The following NEGR1 variants were observed in gnomAD, a reference collection of about 807,000 sequenced individuals.
NEGR1 encodes neuronal growth regulator 1, also known as IgLON family member 4.
A neutral mutation model predicts 40.9 loss-of-function variants in NEGR1; 10 were observed. That is an observed-to-expected ratio of 0.24 (90% CI 0.15 to 0.42). The LOEUF (loss-of-function observed/expected upper bound fraction) is 0.42, where lower values mean the gene tolerates loss of function less well. Ranked by LOEUF, NEGR1 falls within the 10% of genes least tolerant of loss-of-function variation. NEGR1 has a pLI of 1.00. For missense variants in NEGR1, 352 were observed against 438.9 expected, an observed-to-expected ratio of 0.80 and a Z score of 1.77; for synonymous variants, 185 against 166.8, an observed-to-expected ratio of 1.11 and a Z score of -0.84.
chr1:71,734,975 TA>T (rs1462460692), intron 3 of NEGR1, among the ~76,000 whole-genome samples: 1 of 152,130 alleles, frequency 6.6e-6, no homozygotes, highest in East Asian at 1.9e-4. Flanking sequence ...TCTGCATCTT[TA>T]AGTTCAATCA....
chr1:72,048,590 G>A (rs1394207870), intron 1 of NEGR1, among the ~76,000 whole-genome samples: 2 of 151,546 alleles, frequency 1.3e-5, no homozygotes, highest in African/African-American at 2.4e-5. Flanking sequence ...GGTGAGGTGA[G>A]TGGGTGGGGA....
At chr1:71,861,228 T>C (rs1047000857) in intron 2 of NEGR1, among the ~76,000 whole-genome samples, 2 of 152,022 alleles carry the variant, frequency 1.3e-5, no homozygotes, top group African/African-American at 2.4e-5. Flanking sequence ...AAATGACTCA[T>C]ATAAAATGAT....
chr1:71,695,204 G>A (rs12079778), intron 4 of NEGR1, among the ~76,000 whole-genome samples: 4 of 151,724 alleles, frequency 2.6e-5, no homozygotes, highest in South Asian at 2.1e-4. Context: ...TGAGATATCA[G>A]TTATATATGT....
chr1:71,547,075 A>G (rs1647923795), intron 6 of NEGR1, among the ~76,000 whole-genome samples: 1 of 151,728 alleles, frequency 6.6e-6, no homozygotes, highest in African/African-American at 2.4e-5. Context: ...TCTAACACTT[A>G]TGACCTTATT....
At chr1:71,844,697 T>C (rs1212308142) in intron 2 of NEGR1, among the ~76,000 whole-genome samples, 1 of 152,182 alleles carries the variant, frequency 6.6e-6, no homozygotes, top group Non-Finnish European at 1.5e-5. Context: ...TCAGGCTTGA[T>C]AAGAAATTAG....
chr1:71,992,176 A>C (rs985655811), intron 1 of NEGR1, among the ~76,000 whole-genome samples: 1 of 152,190 alleles, frequency 6.6e-6, no homozygotes, highest in South Asian at 2.1e-4. Context: ...GAACAGCTTT[A>C]ATATTATGAG....
intron 4 of NEGR1, among the ~76,000 whole-genome samples, chr1:71,639,247 T>G (rs556393416): frequency 2.3e-4 from 35 of 150,500 alleles, no homozygotes; most frequent in Non-Finnish European, 4.1e-4. Context: ...AAGTTCCCCA[T>G]GCCCATGCCC....
intron 1 of NEGR1, among the ~76,000 whole-genome samples, chr1:72,025,163 AC>A (rs1646795703): frequency 1.3e-5 from 2 of 152,184 alleles, no homozygotes; most frequent in African/African-American, 4.8e-5. Flanking sequence ...CTAAGTTTTT[AC>A]GTCTTATATA....
At chr1:71,945,918 CAAT>C (rs1646013952) in intron 1 of NEGR1, among the ~76,000 whole-genome samples, 1 of 152,050 alleles carries the variant, frequency 6.6e-6, no homozygotes, top group Non-Finnish European at 1.5e-5. Context: ...ATAATTATTA[CAAT>C]GTTTTATAGG....
chr1:71,886,698 C>G (rs767645109), intron 2 of NEGR1, among the ~76,000 whole-genome samples: 15 of 152,176 alleles, frequency 9.9e-5, no homozygotes, highest in Middle Eastern at 6.8e-3. Context: ...AGATATATAT[C>G]TTTAGTAAAG....
At chr1:71,952,900 T>G (rs181731571) in intron 1 of NEGR1, among the ~76,000 whole-genome samples, 2 of 151,616 alleles carry the variant, frequency 1.3e-5, no homozygotes, top group Admixed American at 6.6e-5. Context: ...TGGCAGCACA[T>G]TTTTTACAGC....
At chr1:71,500,995 C>T (rs1034359722) in intron 6 of NEGR1, among the ~76,000 whole-genome samples, 5 of 152,048 alleles carry the variant, frequency 3.3e-5, no homozygotes, top group African/African-American at 1.2e-4. Flanking sequence ...TATGTTTAAA[C>T]ATGCTAATTT....
intron 2 of NEGR1, among the ~76,000 whole-genome samples, chr1:71,875,323 T>C (rs1208580883): frequency 6.6e-6 from 1 of 152,194 alleles, no homozygotes; most frequent in Non-Finnish European, 1.5e-5. Context: ...GCTTTAATTG[T>C]GCTGGAAAGT....
intron 6 of NEGR1, among the ~76,000 whole-genome samples, chr1:71,574,033 T>G (rs1648884990): frequency 1.3e-5 from 2 of 152,226 alleles, no homozygotes. Context: ...AAGACCCAAG[T>G]AGAGGATAAA....
chr1:72,223,310 C>T (rs1322691591), intron 1 of NEGR1, among the ~76,000 whole-genome samples: 1 of 152,128 alleles, frequency 6.6e-6, no homozygotes, highest in African/African-American at 2.4e-5. Flanking sequence ...AACCAAATTC[C>T]AATCGCTTAA....
chr1:72,224,799 G>C (rs1008884054), intron 1 of NEGR1, among the ~76,000 whole-genome samples: 4 of 151,816 alleles, frequency 2.6e-5, no homozygotes, highest in African/African-American at 9.7e-5. Context: ...TTTTTTGCCT[G>C]ATCTATAGTC....
At chr1:72,157,594 T>C (rs1651406288) in intron 1 of NEGR1, among the ~76,000 whole-genome samples, 1 of 152,116 alleles carries the variant, frequency 6.6e-6, no homozygotes. Flanking sequence ...AAGCATTGTT[T>C]TTAATATGAA....
rs139271117 is a variant in NEGR1 at position 72,247,836 on chromosome 1, G to A, written c.176+34483C>T. On this transcript the variant is annotated intron_variant, in intron 1 of 6. Coordinates refer to ENST00000357731, the MANE Select transcript of NEGR1 (RefSeq NM_173808.3). ...GCTAGAAAGAAATACCTGAGACTGA[G>A]TAATTTATAAAGAGGAGGGGCTTAA... 4.0e-3 allele frequency among the ~76,000 whole-genome samples: 609 copies of A among 152,278 alleles called. 4 individuals carry two copies. The highest frequency in any genetic ancestry group is 0.014 in the African/African-American group (578 of 41,554).
At chr1:71,606,869 A>G (rs1650091568) in intron 5 of NEGR1, among the ~76,000 whole-genome samples, 2 of 151,834 alleles carry the variant, frequency 1.3e-5, no homozygotes, top group South Asian at 4.1e-4. Flanking sequence ...AATGGACTTT[A>G]CAGGATGTTG....
Sources: gnomAD v4.1 joint callset for allele counts (sites outside exome capture counted in the v4.1 genomes callset) on GRCh38, gnomAD v4.1.1 for gene constraint, MANE v1.5 for transcripts, NCBI Gene and HGNC (gene_info 2026-07-23, HGNC 2026-07-21) for gene names.